Variants in SLC16A1 observed in about 807,000 individuals in gnomAD.
SLC16A1 encodes solute carrier family 16 member 1, also known as monocarboxylate transporter 1.
SLC16A1 carries 11 observed loss-of-function variants against 32.2 expected under a neutral mutation model. The observed-to-expected ratio is 0.34, with a 90% CI of 0.21 to 0.56. The LOEUF (loss-of-function observed/expected upper bound fraction) is 0.56. SLC16A1 is among the 20% of genes least tolerant of loss of function. The pLI, the probability that SLC16A1 is intolerant of heterozygous loss-of-function variation, is 0.87. For missense variants in SLC16A1, 435 were observed against 615.0 expected, an observed-to-expected ratio of 0.71 and a Z score of 3.10; for synonymous variants, 231 against 226.8, an observed-to-expected ratio of 1.02 and a Z score of -0.17.
chr1:112,952,349 C>T (rs1649926562), intron 1 of SLC16A1, among the ~76,000 whole-genome samples: 1 of 152,196 alleles, frequency 6.6e-6, no homozygotes, highest in East Asian at 1.9e-4. Context: ...ACCAACCTTA[C>T]AAGGAAAATA....
At chr1:112,948,218 G>C (rs1468237050) in intron 1 of SLC16A1, among the ~76,000 whole-genome samples, 1 of 151,964 alleles carries the variant, frequency 6.6e-6, no homozygotes, top group Admixed American at 6.6e-5. Context: ...CGAAACTCCA[G>C]CCGGGGGCGG....
At chr1:112,954,845 A>G (rs1650018425) in intron 1 of SLC16A1, among the ~76,000 whole-genome samples, 1 of 152,226 alleles carries the variant, frequency 6.6e-6, no homozygotes, top group Admixed American at 6.5e-5. Flanking sequence ...TTCTATGGCA[A>G]TCTGAAGGCA....
rs3849176 is a variant in SLC16A1 at position 112,918,452 on chromosome 1, T to C, written c.362-408A>G. Among the ~76,000 whole-genome samples the C allele has an allele frequency of 3.2e-3, 481 of 152,330 alleles. 4 individuals are homozygous for C. Among genetic ancestry groups the C allele is most frequent in the African/African-American group, 0.011 (456 of 41,572 alleles). On this transcript the variant is annotated intron_variant, in intron 3 of 4. Transcript: ENST00000369626. ...TCTAACAAAATCACCGGAAGGATTA[T>C]TATAACCATATAAGATCATTAAGTC...
At chr1:112,940,116 C>G (rs1200311915) in intron 1 of SLC16A1, among the ~76,000 whole-genome samples, 1 of 148,932 alleles carries the variant, frequency 6.7e-6, no homozygotes, top group Admixed American at 6.7e-5. Flanking sequence ...GGTGCAGTGC[C>G]TCACTGTAGC....
Position 112,912,985 on chromosome 1 carries a change from C to T in SLC16A1, c.*906G>A, listed in dbSNP as rs535043546. 6.6e-6 allele frequency: 1 copy of T among 152,240 alleles called. No homozygotes were observed. Among genetic ancestry groups the T allele is most frequent in the Non-Finnish European group, 1.5e-5 (1 of 68,016 alleles). The allele number at this position is 152,240 out of a possible 1,614,324, so 9.4% of individuals were successfully genotyped here. On this transcript the variant is annotated 3_prime_UTR_variant, in exon 5 of 5. Transcript: ENST00000369626. ...TTTGGAAAAACTTAAGTGAATTCAG[C>T]TGATGTTTGAAATATCTGTCTACAT... is the stretch of plus-strand genomic sequence containing the variant.
At chr1:112,937,666 G>C (rs565255349) in intron 1 of SLC16A1, among the ~76,000 whole-genome samples, 13 of 152,258 alleles carry the variant, frequency 8.5e-5, no homozygotes, top group South Asian at 4.1e-4. Flanking sequence ...AGTACTCAGA[G>C]TTCCCTTGAG....
chr1:112,922,401 T>C (rs968619751), intron 2 of SLC16A1: 3 of 464,970 alleles, frequency 6.5e-6, no homozygotes, highest in Non-Finnish European at 1.2e-5. Context: ...TCTTTCTCTT[T>C]TATGGCAGGG....
chr1:112,930,383 T>TGA (rs1411293170), intron 1 of SLC16A1, among the ~76,000 whole-genome samples: 1 of 152,094 alleles, frequency 6.6e-6, no homozygotes, highest in Non-Finnish European at 1.5e-5. Flanking sequence ...TGCTGAGTGT[T>TGA]GACTGTGTAA....
chr1:112,952,936 T>G (rs1446315083), intron 1 of SLC16A1, among the ~76,000 whole-genome samples: 1 of 152,128 alleles, frequency 6.6e-6, no homozygotes, highest in Non-Finnish European at 1.5e-5. Flanking sequence ...CTGGGTTATA[T>G]CCTTAACGTC....
At position 112,922,082 on chromosome 1, in the gene SLC16A1, A is replaced by G; in HGVS notation, c.269T>C (p.Ile90Thr). ...ACAGCCTGACAAGCAGCCACCAACAATCATGACTATACGACTTCCATATTT... is the reference window on the plus strand; with the variant it reads ...ACAGCCTGACAAGCAGCCACCAACAGTCATGACTATACGACTTCCATATTT... ...VNKYGSRIVM[I>T]VGGCLSGCGL... The change falls in exon 3 of 5, where the codon ATT becomes ACT. Residue 90 changes from isoleucine (I) to threonine (T), a missense_variant. Coordinates refer to ENST00000369626, the MANE Select transcript of SLC16A1 (RefSeq NM_003051.4). 2 of 1,614,174 alleles carry G rather than the reference A, an allele frequency of 1.2e-6. No individual in the cohort carries two copies. The highest frequency in any genetic ancestry group is 1.7e-6 in the Non-Finnish European group (2 of 1,180,030).
At chr1:112,929,430 C>A in intron 1 of SLC16A1, 78 bp from the exon 2 acceptor site, 2 of 828,946 alleles carry the variant, frequency 2.4e-6, no homozygotes, top group South Asian at 3.0e-5. Flanking sequence ...AGAAATATAG[C>A]CAATCGTGGT....
At chr1:112,952,592 T>C (rs1012133189) in intron 1 of SLC16A1, among the ~76,000 whole-genome samples, 47 of 152,236 alleles carry the variant, frequency 3.1e-4, no homozygotes, top group African/African-American at 1.0e-3. Flanking sequence ...TTCAGATATC[T>C]ATATTGAAAT....
intron 4 of SLC16A1, among the ~76,000 whole-genome samples, chr1:112,916,751 G>A (rs778260929): frequency 4.5e-4 from 69 of 151,866 alleles, no homozygotes; most frequent in Non-Finnish European, 7.1e-4. Flanking sequence ...CCAACATGGC[G>A]AAACCCTGTC....
chr1:112,919,738 T>C (rs1177014188), intron 3 of SLC16A1, among the ~76,000 whole-genome samples: 1 of 152,262 alleles, frequency 6.6e-6, no homozygotes, highest in African/African-American at 2.4e-5. Flanking sequence ...CAAACCATTC[T>C]TACATTTGTT....
chr1:112,932,004 G>A (rs533832847), intron 1 of SLC16A1, among the ~76,000 whole-genome samples: 84 of 152,130 alleles, frequency 5.5e-4, no homozygotes, highest in Non-Finnish European at 1.0e-3. Context: ...TAACACAAAC[G>A]CTTCTTCATA....
At chr1:112,925,325 A>T (rs981848060) in intron 2 of SLC16A1, among the ~76,000 whole-genome samples, 2 of 151,466 alleles carry the variant, frequency 1.3e-5, no homozygotes, top group African/African-American at 2.4e-5. Flanking sequence ...GTAAGCCACC[A>T]TGACTGACCT....
chr1:112,929,078 T>G lies in SLC16A1; in HGVS notation c.217+14A>C, dbSNP rs757218269. The G allele has an allele frequency of 6.3e-7, 1 of 1,599,620 alleles. No individual in the cohort carries two copies. The highest frequency in any genetic ancestry group is 1.1e-5 in the South Asian group (1 of 90,648). On this transcript the variant is annotated intron_variant, in intron 2 of 4. Transcript: ENST00000369626. Reference sequence around the variant, plus strand: ...TCATGAAAATTAAAAGAGCAGGCCTTAATGGGTACTTACCTCCACCATACA... The same window carrying G: ...TCATGAAAATTAAAAGAGCAGGCCTGAATGGGTACTTACCTCCACCATACA...
chr1:112,915,033 C>T (rs1048668190), intron 4 of SLC16A1, among the ~76,000 whole-genome samples: 3 of 152,206 alleles, frequency 2.0e-5, no homozygotes, highest in Non-Finnish European at 4.4e-5. Flanking sequence ...GGACTTAATA[C>T]AACCAATTTA....
At chr1:112,927,119 C>CAAAAAAA (rs761951516) in intron 2 of SLC16A1, among the ~76,000 whole-genome samples, 1 of 57,596 alleles carries the variant, frequency 1.7e-5, no homozygotes, top group African/African-American at 5.4e-5. Flanking sequence ...GACCCTGTGT[C>CAAAAAAA]AAAAAAAAAA....
Sources: gnomAD v4.1 joint callset for allele counts (sites outside exome capture counted in the v4.1 genomes callset) on GRCh38, gnomAD v4.1.1 for gene constraint, MANE v1.5 for transcripts, NCBI Gene and HGNC (gene_info 2026-07-23, HGNC 2026-07-21) for gene names.